NUAK1: variants seen among roughly 807,000 people sequenced by gnomAD.
NUAK1 encodes NUAK family kinase 1.
In NUAK1, 26 loss-of-function variants were observed where a neutral mutation model predicts 56.9. The ratio of observed to expected loss-of-function variants is 0.46; its 90% CI spans 0.33 to 0.63. The LOEUF (loss-of-function observed/expected upper bound fraction) is 0.63. Among genes scored for constraint, NUAK1 ranks in the 30% least tolerant of loss-of-function variants. NUAK1 has a pLI of 0.02. For synonymous variants in NUAK1, 337 were observed against 336.0 expected (o/e 1.00, Z -0.03); for missense variants, 727 against 876.1 (o/e 0.83, Z 2.15).
At chr12:106,133,659 C>T (rs560183434) in intron 1 of NUAK1, among the ~76,000 whole-genome samples, 1 of 152,210 alleles carries the variant, frequency 6.6e-6, no homozygotes, top group Non-Finnish European at 1.5e-5. Flanking sequence ...AAGCACTTAG[C>T]ACAGTGGGAT....
intron 4 of NUAK1, among the ~76,000 whole-genome samples, chr12:106,077,901 A>G (rs1180519948): frequency 2.0e-5 from 3 of 152,220 alleles, no homozygotes; most frequent in Non-Finnish European, 4.4e-5. Context: ...AAACTGATTC[A>G]TGGAAGTGCT....
chr12:106,069,364 T>C (rs1185725366), intron 6 of NUAK1, among the ~76,000 whole-genome samples: 1 of 152,232 alleles, frequency 6.6e-6, no homozygotes, highest in Non-Finnish European at 1.5e-5. Flanking sequence ...TATTTAGTGC[T>C]GTATTTCTCA....
intron 1 of NUAK1, among the ~76,000 whole-genome samples, chr12:106,113,083 T>C (rs2032880864): frequency 1.3e-5 from 2 of 152,178 alleles, no homozygotes; most frequent in Non-Finnish European, 2.9e-5. Context: ...GGCTGGGACA[T>C]TTTTATCTAC....
chr12:106,111,937 G>T lies in NUAK1; in HGVS notation c.241-5412C>A, dbSNP rs559352006. On this transcript the variant is annotated intron_variant, in intron 1 of 6. Coordinates refer to ENST00000261402, the MANE Select transcript of NUAK1 (RefSeq NM_014840.3). ...AAAAAAAAAAGTGGAGCTAGAATTC[G>T]AGCCCAGAGGCTGCTGATTTTTAAG... is the stretch of plus-strand genomic sequence containing the variant. Among the ~76,000 whole-genome samples the T allele has an allele frequency of 9.5e-5, 14 of 147,946 alleles. No homozygotes were observed. The South Asian group carries it at 1.3e-3, about 14-fold the overall frequency.
intron 1 of NUAK1, among the ~76,000 whole-genome samples, chr12:106,122,276 C>T (rs1429701680): frequency 2.6e-5 from 4 of 152,184 alleles, no homozygotes; most frequent in Non-Finnish European, 5.9e-5. Flanking sequence ...GCACACTGGG[C>T]ATTCAGGAGG....
chr12:106,112,756 T>C (rs145321311), intron 1 of NUAK1, among the ~76,000 whole-genome samples: 67 of 141,130 alleles, frequency 4.7e-4, no homozygotes, highest in Non-Finnish European at 8.3e-4. Flanking sequence ...AGCCAAGAGT[T>C]GTATCAACAG....
intron 2 of NUAK1, among the ~76,000 whole-genome samples, chr12:106,096,998 C>A (rs927917743): frequency 3.9e-5 from 6 of 152,204 alleles, no homozygotes; most frequent in Non-Finnish European, 7.3e-5. Context: ...AATCTCCCGA[C>A]AGAAGTTTCT....
intron 1 of NUAK1, among the ~76,000 whole-genome samples, chr12:106,118,366 C>A (rs2136478145): frequency 6.6e-6 from 1 of 152,294 alleles, no homozygotes; most frequent in South Asian, 2.1e-4. Flanking sequence ...CTGGACCACG[C>A]CTGTTTCCAC....
At chr12:106,117,174 C>T (rs1161494005) in intron 1 of NUAK1, among the ~76,000 whole-genome samples, 1 of 152,180 alleles carries the variant, frequency 6.6e-6, no homozygotes, top group African/African-American at 2.4e-5. Context: ...GACCAAGATA[C>T]TTCACCCTCT....
At chr12:106,117,106 G>T (rs2032923994) in intron 1 of NUAK1, among the ~76,000 whole-genome samples, 1 of 152,146 alleles carries the variant, frequency 6.6e-6, no homozygotes, top group African/African-American at 2.4e-5. Flanking sequence ...CCTTTTGGGA[G>T]GAACACCCTG....
chr12:106,115,017 T>G (rs368257437), intron 1 of NUAK1, among the ~76,000 whole-genome samples: 1 of 152,246 alleles, frequency 6.6e-6, no homozygotes, highest in African/African-American at 2.4e-5. Context: ...TTCTGAAGAC[T>G]GATTTAATAT....
chr12:106,110,690 C>T (rs1427258930), intron 1 of NUAK1, among the ~76,000 whole-genome samples: 1 of 152,214 alleles, frequency 6.6e-6, no homozygotes, highest in African/African-American at 2.4e-5. Flanking sequence ...CACAGTACAG[C>T]CACATTCATA....
At chr12:106,124,808 G>A (rs900124226) in intron 1 of NUAK1, among the ~76,000 whole-genome samples, 40 of 151,938 alleles carry the variant, frequency 2.6e-4, no homozygotes, top group African/African-American at 9.2e-4. Context: ...TTAGGAGTTT[G>A]AGACCAGCCT....
intron 6 of NUAK1, among the ~76,000 whole-genome samples, chr12:106,069,158 C>T (rs773856645): frequency 1.3e-5 from 2 of 152,178 alleles, no homozygotes; most frequent in Non-Finnish European, 2.9e-5. Context: ...AATTTGCCTA[C>T]TTGCTAAAAT....
At chr12:106,113,902 G>A (rs749534270) in intron 1 of NUAK1, among the ~76,000 whole-genome samples, 3 of 151,954 alleles carry the variant, frequency 2.0e-5, no homozygotes, top group African/African-American at 4.8e-5. Flanking sequence ...CACATAACCC[G>A]GAGCACGAAA....
intron 1 of NUAK1, among the ~76,000 whole-genome samples, chr12:106,132,817 A>G (rs1434683958): frequency 6.6e-6 from 1 of 152,110 alleles, no homozygotes; most frequent in Non-Finnish European, 1.5e-5. Flanking sequence ...AAGCCAGCAC[A>G]CCAAACTGAC....
chr12:106,071,258 T>C (rs550894850), intron 5 of NUAK1, among the ~76,000 whole-genome samples: 1 of 152,318 alleles, frequency 6.6e-6, no homozygotes, highest in East Asian at 1.9e-4. Flanking sequence ...ACGAAGAACC[T>C]AAATGGTTTC....
chr12:106,118,489 C>CAGAG (rs2032941686), intron 1 of NUAK1, among the ~76,000 whole-genome samples: 1 of 152,210 alleles, frequency 6.6e-6, no homozygotes, highest in Admixed American at 6.5e-5. Flanking sequence ...GCTCAGATAG[C>CAGAG]AGATTGCTCA....
intron 2 of NUAK1, 188 bp from the exon 3 acceptor site, chr12:106,087,073 T>C (rs2136462818): frequency 1.7e-6 from 1 of 590,022 alleles, no homozygotes; most frequent in South Asian, 2.5e-5. Context: ...TGGAAAATGG[T>C]GTGTGTCACC....
Sources: gnomAD v4.1 joint callset for allele counts (sites outside exome capture counted in the v4.1 genomes callset) on GRCh38, gnomAD v4.1.1 for gene constraint, MANE v1.5 for transcripts, NCBI Gene and HGNC (gene_info 2026-07-23, HGNC 2026-07-21) for gene names.